Variants in BAHCC1 observed in about 807,000 individuals in gnomAD.
BAHCC1 encodes BAH and coiled-coil domain-containing protein 1.
Under a neutral mutation model 88.2 loss-of-function variants are expected in BAHCC1, and 43 were observed. The ratio of observed to expected loss-of-function variants is 0.49; its 90% CI spans 0.38 to 0.63. The LOEUF (loss-of-function observed/expected upper bound fraction) is 0.63. BAHCC1 is among the 20% of genes least tolerant of loss of function. The pLI, the probability that BAHCC1 is intolerant of heterozygous loss-of-function variation, is 0.00. For missense variants in BAHCC1, 3,023 were observed against 1,654.8 expected, an observed-to-expected ratio of 1.83 and a Z score of -14.34; for synonymous variants, 1,510 against 745.5, an observed-to-expected ratio of 2.03 and a Z score of -16.71.
intron 2 of BAHCC1, chr17:81,407,373 A>G (rs1029382958): frequency 9.6e-6 from 5 of 520,090 alleles, no homozygotes; most frequent in Non-Finnish European, 1.9e-5. Context: ...CTTCAAGGGA[A>G]GTCGGGTCTC....
rs782181995 is a variant in BAHCC1 at position 81,442,371 on chromosome 17, G to A, written c.1022G>A (p.Arg341Gln). The change falls in exon 5 of 28, where the codon CGG becomes CAG. Residue 341 changes from arginine (R) to glutamine (Q), a missense_variant. Coordinates refer to ENST00000675386, the MANE Select transcript of BAHCC1 (RefSeq NM_001377448.1). Reference protein sequence around the residue: ...GPAFSECLERRQMLHHTASYA... With the variant: ...GPAFSECLERQQMLHHTASYA... ...GCCTTCAGCGAGTGCCTGGAGCGGC[G>A]GCAGATGCTACACCACACCGCATCC... 21 of 701,760 alleles carry A rather than the reference G, an allele frequency of 3.0e-5. No homozygotes were observed. The highest frequency in any genetic ancestry group is 4.7e-5 in the Non-Finnish European group (18 of 381,100). The allele number at this position is 701,760 out of a possible 1,614,324, so 43.5% of individuals were successfully genotyped here.
chr17:81,415,277 G>A (rs1450031618), intron 2 of BAHCC1, among the ~76,000 whole-genome samples: 2 of 152,262 alleles, frequency 1.3e-5, no homozygotes, highest in African/African-American at 4.8e-5. Context: ...CAGGGGACAG[G>A]TGTGCTCAGC....
chr17:81,460,167 G>A (rs2030121715), intron 23 of BAHCC1, 110 bp from the exon 24 acceptor site: 1 of 655,610 alleles, frequency 1.5e-6, no homozygotes, highest in African/African-American at 1.8e-5. Flanking sequence ...TCAGGGAGCA[G>A]AACCCCAGAG....
chr17:81,439,020 A>G (rs2064376162), intron 4 of BAHCC1, among the ~76,000 whole-genome samples: 1 of 151,394 alleles, frequency 6.6e-6, no homozygotes, highest in Non-Finnish European at 1.5e-5. Flanking sequence ...TGCTCACCCC[A>G]TTGGCAGCAG....
chr17:81,414,015 G>A (rs1719757462), intron 2 of BAHCC1, among the ~76,000 whole-genome samples: 1 of 152,234 alleles, frequency 6.6e-6, no homozygotes, highest in African/African-American at 2.4e-5. Context: ...TGGGGAGCTG[G>A]CCCTGGACCT....
At chr17:81,404,056 C>T (rs1310011486) in intron 2 of BAHCC1, among the ~76,000 whole-genome samples, 2 of 152,226 alleles carry the variant, frequency 1.3e-5, no homozygotes, top group Admixed American at 1.3e-4. Context: ...CGCGCGTCCC[C>T]CCAAACGTTC....
chr17:81,434,858 A>G lies in BAHCC1; in HGVS notation c.359-3512A>G, dbSNP rs1555651491. ...GGCTGTTGGGAAAATGTGCTGTGTC[A>G]GAACGCAGGAGGGATGAGGGGGATG... On this transcript the variant is annotated intron_variant, in intron 3 of 27. Transcript: ENST00000675386. This position sits in a 1 kb window ranked among gnomAD's most constrained non-coding sequence, Gnocchi z 4.9. 1.3e-5 allele frequency among the ~76,000 whole-genome samples: 2 copies of G among 152,046 alleles called. No homozygotes were observed. The highest frequency in any genetic ancestry group is 2.4e-5 in the African/African-American group (1 of 41,386).
Position 81,424,031 on chromosome 17 carries a change from G to A in BAHCC1, c.179-2769G>A, listed in dbSNP as rs77470337. Among the ~76,000 whole-genome samples, 1,394 of 152,326 alleles carry A rather than the reference G, an allele frequency of 9.2e-3. 65 individuals carry two copies. Among genetic ancestry groups the A allele is most frequent in the Admixed American group, 0.076 (1,169 of 15,302 alleles). Reference sequence around the variant, plus strand: ...CGCAGCTCTGTGCCAGCCCAGTCGGGGCCCAGCCCCAGGAATCCTGAAGGG... The same window carrying A: ...CGCAGCTCTGTGCCAGCCCAGTCGGAGCCCAGCCCCAGGAATCCTGAAGGG... On this transcript the variant is annotated intron_variant, in intron 2 of 27. Coordinates refer to ENST00000675386, the MANE Select transcript of BAHCC1 (RefSeq NM_001377448.1).
chr17:81,420,105 C>A (rs896129181), intron 2 of BAHCC1, among the ~76,000 whole-genome samples: 1 of 152,178 alleles, frequency 6.6e-6, no homozygotes, highest in South Asian at 2.1e-4. Flanking sequence ...GCTGGACCGA[C>A]CCTTACAGAG....
rs371656638 is a variant in BAHCC1, at chr17:81,458,997, C to T, written c.5605+28C>T. The T allele has an allele frequency of 5.5e-3, 3,520 of 638,190 alleles. 75 individuals carry two copies. The African/African-American group carries it at 0.078, about 14-fold the overall frequency. The allele number at this position is 638,190 out of a possible 1,614,324, so 39.5% of individuals were successfully genotyped here. A position where few individuals can be genotyped will look rare whatever the true frequency, so the allele number is the denominator to read the frequency against. On this transcript the variant is annotated intron_variant, in intron 20 of 27. Transcript: ENST00000675386. ...GAGCAGGGCCAGGAAGGGTGCCAGCCGCCTGGGGAGGGGTGGTGGGTAGGC... is the reference window on the plus strand; with the variant it reads ...GAGCAGGGCCAGGAAGGGTGCCAGCTGCCTGGGGAGGGGTGGTGGGTAGGC...
At chr17:81,422,819 G>C (rs2064130797) in intron 2 of BAHCC1, 1 of 431,296 alleles carries the variant, frequency 2.3e-6, no homozygotes, top group Non-Finnish European at 4.7e-6. Context: ...AGGCGGGAGG[G>C]ACTTCCCCAG....
rs2064365113 is a variant in BAHCC1 at position 81,438,350 on chromosome 17, T to C, written c.359-20T>C. The C allele has an allele frequency of 1.3e-6, 1 of 778,074 alleles. No individual in the cohort carries two copies. Among genetic ancestry groups the C allele is most frequent in the South Asian group, 1.3e-5 (1 of 74,340 alleles). 48.2% of individuals were successfully genotyped at this position (778,074 alleles called of 1,614,324 possible). On this transcript the variant is annotated intron_variant, in intron 3 of 27. Transcript: ENST00000675386. ...GGGGGCTGGGAGTTGCCTCTGCAACTGGGTCTCTTGCTTCTCTAGCTCCGG... is the reference window on the plus strand; with the variant it reads ...GGGGGCTGGGAGTTGCCTCTGCAACCGGGTCTCTTGCTTCTCTAGCTCCGG...
intron 13 of BAHCC1, 51 bp from the exon 14 acceptor site, chr17:81,452,672 G>T: frequency 3.0e-6 from 2 of 674,568 alleles, no homozygotes; most frequent in East Asian, 3.0e-5. Flanking sequence ...GAACCTTGTC[G>T]GGGAGCTGGG....
rs577549322 is a variant in BAHCC1 at position 81,453,600 on chromosome 17, C to A, written c.4445+749C>A. Among the ~76,000 whole-genome samples the A allele has an allele frequency of 1.0e-3, 156 of 152,128 alleles. 1 individual carries two copies. Among genetic ancestry groups the A allele is most frequent in the African/African-American group, 3.7e-3 (155 of 41,532 alleles). On this transcript the variant is annotated intron_variant, in intron 14 of 27. Coordinates refer to ENST00000675386, the MANE Select transcript of BAHCC1 (RefSeq NM_001377448.1). Reference sequence around the variant, plus strand: ...GGGTCACCATATGGCTGCCCCCCCCCAGAGCTGCCCCTGCCCTGCCCAGGT... The same window carrying A: ...GGGTCACCATATGGCTGCCCCCCCCAAGAGCTGCCCCTGCCCTGCCCAGGT...
At chr17:81,403,305 CT>C (rs1555646359) in intron 2 of BAHCC1, among the ~76,000 whole-genome samples, 1 of 152,172 alleles carries the variant, frequency 6.6e-6, no homozygotes, top group Non-Finnish European at 1.5e-5. Flanking sequence ...CAATAATCTG[CT>C]CAGATTCCCC....
At position 81,463,875 on chromosome 17, in the gene BAHCC1, G is replaced by A. The variant is rs1388654122; in HGVS notation, c.*58G>A. ...AGGGACCCTGTGTGCGGAGCCTGGC[G>A]TCGGCCAAGCCACCGGGCAGGAGGC... is the stretch of plus-strand genomic sequence containing the variant. On this transcript the variant is annotated 3_prime_UTR_variant, in exon 28 of 28. Transcript: ENST00000675386. The A allele has an allele frequency of 1.3e-5, 9 of 692,380 alleles. No homozygotes were observed. The highest frequency in any genetic ancestry group is 3.6e-4 in the Middle Eastern group (1 of 2,772). The allele number at this position is 692,380 out of a possible 1,614,324, so 42.9% of individuals were successfully genotyped here.
chr17:81,407,418 C>G (rs782378057), intron 2 of BAHCC1: 9 of 518,860 alleles, frequency 1.7e-5, no homozygotes, highest in South Asian at 1.1e-4. Flanking sequence ...CCTTGGAGCA[C>G]AGTTGAAGCT....
intron 18 of BAHCC1, 70 bp from the exon 19 acceptor site, chr17:81,458,551 C>G (rs374900795): frequency 1.5e-6 from 1 of 687,038 alleles, no homozygotes; most frequent in Non-Finnish European, 2.7e-6. Flanking sequence ...CACGCTGGCC[C>G]CTGAGCTCTG....
chr17:81,418,038 G>A (rs531007524), intron 2 of BAHCC1, among the ~76,000 whole-genome samples: 1 of 152,250 alleles, frequency 6.6e-6, no homozygotes, highest in Non-Finnish European at 1.5e-5. Flanking sequence ...AGCCACAGGT[G>A]GTGGGGAGGT....
Sources: allele counts gnomAD v4.1 joint callset (sites outside exome capture counted in the v4.1 genomes callset), GRCh38; gene constraint gnomAD v4.1.1; non-coding constraint Gnocchi (gnomAD v3.1); transcripts MANE v1.5; gene names NCBI Gene and HGNC (gene_info 2026-07-23, HGNC 2026-07-21).